Variants in ALK observed in about 807,000 individuals in gnomAD.
ALK encodes ALK receptor tyrosine kinase.
A neutral mutation model predicts 163.1 loss-of-function variants in ALK; 74 were observed. The ratio of observed to expected loss-of-function variants is 0.45; its 90% confidence interval spans 0.38 to 0.55. The LOEUF is 0.55. Ranked by LOEUF, ALK falls within the 20% of genes least tolerant of loss-of-function variation. ALK has a pLI of 0.00. For missense variants in ALK, 2,063 were observed against 2,105.3 expected (o/e 0.98, Z 0.39); for synonymous variants, 960 against 843.2 (o/e 1.14, Z -2.40).
rs557662193 is a variant in ALK, at chr2:29,417,499, A to G, written c.1155-33640T>C. The stretch of plus-strand genomic sequence containing the variant: ...AATTTCATCCATCAGAGAAAGCCCT[A>G]GTGTGGAAAGGAGACCCAGAGATCC... On this transcript the variant is annotated intron_variant, in intron 4 of 28. Transcript: ENST00000389048. 2.0e-5 allele frequency among the ~76,000 whole-genome samples: 3 copies of G among 152,298 alleles called. No individual in the cohort carries two copies. The South Asian group carries it at 6.2e-4, about 32-fold the overall frequency.
At chr2:29,779,248 CT>C (rs765466491) in intron 1 of ALK, among the ~76,000 whole-genome samples, 1 of 152,136 alleles carries the variant, frequency 6.6e-6, no homozygotes, top group Non-Finnish European at 1.5e-5. Flanking sequence ...TAATTTGCTC[CT>C]GGTGTATCAG....
chr2:29,496,327 T>C (rs1672022486), intron 4 of ALK, among the ~76,000 whole-genome samples: 1 of 152,204 alleles, frequency 6.6e-6, no homozygotes, highest in Non-Finnish European at 1.5e-5. Context: ...ACTCACTCAC[T>C]TTTTCATCAG....
intron 11 of ALK, among the ~76,000 whole-genome samples, chr2:29,268,850 T>G (rs1665306697): frequency 6.6e-6 from 1 of 152,226 alleles, no homozygotes; most frequent in Non-Finnish European, 1.5e-5. Context: ...TCTGATCCTC[T>G]GTTTCCTCAA....
intron 5 of ALK, among the ~76,000 whole-genome samples, chr2:29,370,066 G>A (rs1668604508): frequency 6.6e-6 from 1 of 152,166 alleles, no homozygotes; most frequent in South Asian, 2.1e-4. Context: ...GCACTAACAA[G>A]AAAGAAAGAC....
intron 1 of ALK, among the ~76,000 whole-genome samples, chr2:29,738,641 T>C (rs1267026271): frequency 3.3e-5 from 5 of 152,128 alleles, no homozygotes; most frequent in East Asian, 1.9e-4. Flanking sequence ...GAGAATCAAA[T>C]GAAGAACTGA....
intron 3 of ALK, among the ~76,000 whole-genome samples, chr2:29,605,329 C>T (rs543339871): frequency 9.8e-4 from 149 of 152,268 alleles, no homozygotes; most frequent in African/African-American, 3.5e-3. Context: ...TGCTGCGGCC[C>T]GATTCCTAAC....
chr2:29,464,605 C>T (rs771984900), intron 4 of ALK, among the ~76,000 whole-genome samples: 13 of 152,104 alleles, frequency 8.5e-5, no homozygotes, highest in Admixed American at 4.6e-4. Flanking sequence ...AAAAATATAC[C>T]GGATGGGACT....
At chr2:29,721,735 C>A (rs1426014721) in intron 1 of ALK, among the ~76,000 whole-genome samples, 1 of 152,208 alleles carries the variant, frequency 6.6e-6, no homozygotes, top group African/African-American at 2.4e-5. Flanking sequence ...AATGGTCCTG[C>A]ATCAACAATT....
In ALK at chr2:29,318,385, A is replaced by G. The variant is rs774478966; in HGVS notation, c.1566T>C (p.Ser522=). The G allele has an allele frequency of 5.0e-6, 8 of 1,613,278 alleles. No individual in the cohort carries two copies. Among genetic ancestry groups the G allele is most frequent in the Non-Finnish European group, 6.8e-6 (8 of 1,179,330 alleles). Reference sequence around the variant, plus strand: ...TTTCAGAAGCGGGGACATCAGTGGTACTGAGCAATAGAGCATGGTCTAGGA... The same window carrying G: ...TTTCAGAAGCGGGGACATCAGTGGTGCTGAGCAATAGAGCATGGTCTAGGA... The part of the protein sequence containing the change: ...QDHQDHALLL[S]TTDVPASESA... The change falls in exon 8 of 29, where the codon AGT becomes AGC. Residue 522 remains serine, a synonymous_variant. Transcript: ENST00000389048.
intron 1 of ALK, among the ~76,000 whole-genome samples, chr2:29,852,426 C>T (rs1362334633): frequency 6.6e-6 from 1 of 152,172 alleles, no homozygotes; most frequent in African/African-American, 2.4e-5. Flanking sequence ...GCCACACCAG[C>T]CAGACCTACA....
At chr2:29,436,686 G>C (rs1558323160) in intron 4 of ALK, among the ~76,000 whole-genome samples, 1 of 152,086 alleles carries the variant, frequency 6.6e-6, no homozygotes, top group Non-Finnish European at 1.5e-5. Flanking sequence ...CATCAAGTTT[G>C]GCTTTTAATG....
At chr2:29,317,288 G>A (rs909262712) in intron 8 of ALK, among the ~76,000 whole-genome samples, 4 of 152,240 alleles carry the variant, frequency 2.6e-5, no homozygotes, top group African/African-American at 9.6e-5. Flanking sequence ...AATTTCTCCT[G>A]TGAGTGTCCA....
intron 3 of ALK, among the ~76,000 whole-genome samples, chr2:29,602,959 C>T (rs895127543): frequency 3.3e-5 from 5 of 152,258 alleles, no homozygotes; most frequent in South Asian, 4.2e-4. Context: ...AATCAATACA[C>T]GTAAGATATA....
At chr2:29,858,467 T>C (rs1181844374) in intron 1 of ALK, among the ~76,000 whole-genome samples, 1 of 151,764 alleles carries the variant, frequency 6.6e-6, no homozygotes, top group Non-Finnish European at 1.5e-5. Flanking sequence ...GTGCGGTGGC[T>C]CATGTCTATA....
intron 8 of ALK, among the ~76,000 whole-genome samples, chr2:29,306,141 T>C (rs994179609): frequency 2.6e-5 from 4 of 152,214 alleles, no homozygotes; most frequent in African/African-American, 7.2e-5. Context: ...CATTTGTTAA[T>C]TGACTCTTTA....
chr2:29,311,304 G>T (rs936063489), intron 8 of ALK, among the ~76,000 whole-genome samples: 1 of 152,170 alleles, frequency 6.6e-6, no homozygotes. Flanking sequence ...AGATCCTAAA[G>T]GTGGGGAGGC....
intron 1 of ALK, among the ~76,000 whole-genome samples, chr2:29,739,052 C>T (rs1679973329): frequency 6.6e-6 from 1 of 151,484 alleles, no homozygotes; most frequent in Non-Finnish European, 1.5e-5. Context: ...GTCTGGGCAA[C>T]ATAGTGAGAC....
intron 5 of ALK, among the ~76,000 whole-genome samples, chr2:29,328,890 G>A (rs376771334): frequency 1.3e-5 from 2 of 152,310 alleles, no homozygotes; most frequent in East Asian, 3.9e-4. Flanking sequence ...AGGTGGATCT[G>A]GTCTAGTGCA....
Position 29,385,364 on chromosome 2 carries a change from G to GGCT in ALK, c.1155-1506_1155-1505insAGC, listed in dbSNP as rs1309024033. ...GCAATAACCATAGTCACCACCTAAG[G>GGCT]AAACAACCTGTCAGGTTGTTTTTTT... On this transcript the variant is annotated intron_variant, in intron 4 of 28. Transcript: ENST00000389048. Among the ~76,000 whole-genome samples the GGCT allele has an allele frequency of 4.2e-4, 62 of 148,140 alleles. 1 individual carries two copies. In the East Asian group the frequency reaches 0.012, roughly 29 times the overall value.
Sources: gnomAD v4.1 joint callset for allele counts (sites outside exome capture counted in the v4.1 genomes callset) on GRCh38, gnomAD v4.1.1 for gene constraint, MANE v1.5 for transcripts, NCBI Gene and HGNC (gene_info 2026-07-23, HGNC 2026-07-21) for gene names.